PAPPA: variants seen among roughly 807,000 people sequenced by gnomAD.
The protein encoded by PAPPA is pappalysin-1.
A neutral mutation model predicts 164.0 loss-of-function variants in PAPPA; 60 were observed. The ratio of observed to expected loss-of-function variants is 0.37; its 90% CI spans 0.30 to 0.45. The LOEUF (loss-of-function observed/expected upper bound fraction) is 0.45. PAPPA is among the 20% of genes least tolerant of loss of function. The probability of loss-of-function intolerance (pLI) is 1.00; values close to 1 mark genes in which losing one functional copy is unlikely to be tolerated. For missense variants in PAPPA, 1,782 were observed against 2,087.3 expected, an observed-to-expected ratio of 0.85 and a Z score of 2.85; for synonymous variants, 875 against 814.1, an observed-to-expected ratio of 1.07 and a Z score of -1.27.
intron 19 of PAPPA, among the ~76,000 whole-genome samples, chr9:116,375,004 A>T (rs919862554): frequency 6.6e-6 from 1 of 152,236 alleles, no homozygotes; most frequent in Admixed American, 6.5e-5. Flanking sequence ...CCCTGGAAGG[A>T]TACAGAAGTG....
At position 116,398,549 on chromosome 9, in the gene PAPPA, T is replaced by C. The variant is rs765494918; in HGVS notation, c.*1933T>C. On this transcript the variant is annotated 3_prime_UTR_variant, in exon 22 of 22. Coordinates refer to ENST00000328252, the MANE Select transcript of PAPPA (RefSeq NM_002581.5). Reference sequence around the variant, plus strand: ...CATATTATATCACTCCCAATAGCACTGACCTGGTGATCAAAAACACTTGAG... The same window carrying C: ...CATATTATATCACTCCCAATAGCACCGACCTGGTGATCAAAAACACTTGAG... 2 of 1,282,824 alleles carry C rather than the reference T, an allele frequency of 1.6e-6. No individual in the cohort carries two copies. The highest frequency in any genetic ancestry group is 2.0e-6 in the Non-Finnish European group (2 of 983,954). 79.5% of individuals were successfully genotyped at this position (1,282,824 alleles called of 1,614,324 possible).
chr9:116,338,185 T>C (rs1846085949), intron 13 of PAPPA, among the ~76,000 whole-genome samples: 1 of 151,844 alleles, frequency 6.6e-6, no homozygotes, highest in African/African-American at 2.4e-5. Flanking sequence ...AAAAGTAACT[T>C]CCTTCCCTCC....
intron 13 of PAPPA, among the ~76,000 whole-genome samples, chr9:116,338,255 A>G (rs986025194): frequency 6.6e-6 from 1 of 151,774 alleles, no homozygotes; most frequent in African/African-American, 2.4e-5. Flanking sequence ...TCTTTTTCAC[A>G]TTCGCTTTCT....
At position 116,154,155 on chromosome 9, in the gene PAPPA, C is replaced by CGGTGCGGGGGCGAGGGGGGGGG; in HGVS notation, c.-16_-15insTGCGGGGGCGAGGGGGGGGGGG. On this transcript the variant is annotated 5_prime_UTR_variant, in exon 1 of 22. Coordinates refer to ENST00000328252, the MANE Select transcript of PAPPA (RefSeq NM_002581.5). This position sits in a 1 kb window ranked among gnomAD's most constrained non-coding sequence, Gnocchi z 5.2. ...TGGCGGTGCAGGGGCGAAGGGGGGGCGGGGGGAACCGTCGGACATGCGGCT... is the reference window on the plus strand; with the variant it reads ...TGGCGGTGCAGGGGCGAAGGGGGGGCGGTGCGGGGGCGAGGGGGGGGGGGGGGGAACCGTCGGACATGCGGCT... The CGGTGCGGGGGCGAGGGGGGGGG allele has an allele frequency of 2.2e-6, 1 of 464,984 alleles. No homozygotes were observed. Among genetic ancestry groups the CGGTGCGGGGGCGAGGGGGGGGG allele is most frequent in the South Asian group, 2.9e-5 (1 of 34,000 alleles). The allele number at this position is 464,984 out of a possible 1,614,324, so 28.8% of individuals were successfully genotyped here.
At chr9:116,192,877 G>A (rs1844060086) in intron 2 of PAPPA, among the ~76,000 whole-genome samples, 1 of 152,090 alleles carries the variant, frequency 6.6e-6, no homozygotes, top group East Asian at 1.9e-4. Flanking sequence ...GGAAATCCAG[G>A]GGCATTTGAC....
At chr9:116,158,526 G>A (rs1204109940) in intron 1 of PAPPA, among the ~76,000 whole-genome samples, 2 of 152,226 alleles carry the variant, frequency 1.3e-5, no homozygotes, top group African/African-American at 4.8e-5. Flanking sequence ...CATGTACAGA[G>A]TGATGATGGC....
chr9:116,305,224 A>G (rs1845631118), intron 10 of PAPPA, among the ~76,000 whole-genome samples: 1 of 151,236 alleles, frequency 6.6e-6, no homozygotes, highest in South Asian at 2.1e-4. Flanking sequence ...GTGTAAACGT[A>G]CCTTCCTTCC....
At chr9:116,330,626 GGTGT>G (rs5900203) in intron 10 of PAPPA, among the ~76,000 whole-genome samples, 1 of 150,944 alleles carries the variant, frequency 6.6e-6, no homozygotes, top group Non-Finnish European at 1.5e-5. Flanking sequence ...TGTGTGTAGG[GGTGT>G]GTGTGTGTGT....
chr9:116,382,644 TG>T (rs1432367128), intron 21 of PAPPA, 151 bp downstream of exon 21: 7 of 587,360 alleles, frequency 1.2e-5, no homozygotes, highest in Non-Finnish European at 1.8e-5. Flanking sequence ...TTTATTCTTT[TG>T]GTCAGTAGTT....
chr9:116,301,869 A>G (rs1285187625), intron 9 of PAPPA, among the ~76,000 whole-genome samples: 1 of 152,242 alleles, frequency 6.6e-6, no homozygotes, highest in Non-Finnish European at 1.5e-5. Context: ...CAGTGTGGCA[A>G]GGAGACTTAT....
At chr9:116,344,746 A>G (rs1471977756) in intron 14 of PAPPA, 35 bp downstream of exon 14, 2 of 1,587,120 alleles carry the variant, frequency 1.3e-6, no homozygotes, top group East Asian at 2.3e-5. Flanking sequence ...GCCTCTCTGC[A>G]GCCCAGGGAA....
intron 21 of PAPPA, among the ~76,000 whole-genome samples, chr9:116,391,999 C>T (rs992477819): frequency 3.3e-5 from 5 of 152,140 alleles, no homozygotes; most frequent in Non-Finnish European, 5.9e-5. Flanking sequence ...CCTGCTCTGC[C>T]GTCCTCCTGG....
At chr9:116,200,651 C>T (rs565317138) in intron 2 of PAPPA, among the ~76,000 whole-genome samples, 1 of 152,312 alleles carries the variant, frequency 6.6e-6, no homozygotes, top group South Asian at 2.1e-4. Context: ...ATTTATTCGT[C>T]TCACTTTCTT....
intron 1 of PAPPA, among the ~76,000 whole-genome samples, chr9:116,178,605 G>A (rs1843864606): frequency 6.6e-6 from 1 of 152,156 alleles, no homozygotes; most frequent in South Asian, 2.1e-4. Flanking sequence ...CAGCTAACAG[G>A]GAGCAGAGCT....
chr9:116,231,679 ATGGATG>A (rs1844595129), intron 6 of PAPPA, among the ~76,000 whole-genome samples: 1 of 144,188 alleles, frequency 6.9e-6, no homozygotes, highest in African/African-American at 2.5e-5. Flanking sequence ...GGATGGATGG[ATGGATG>A]GATGGATGGA....
At position 116,314,060 on chromosome 9, in the gene PAPPA, C is replaced by CTTT. The variant is rs57871796; in HGVS notation, c.3147+11138_3147+11140dup. On this transcript the variant is annotated intron_variant, in intron 10 of 21. Coordinates refer to ENST00000328252, the MANE Select transcript of PAPPA (RefSeq NM_002581.5). ...ATTCAGTTCTGTCATTGCATCGAAT[C>CTTT]TTTTTTTTTTTTTTTTTTTTTTTTT... 4.4e-3 allele frequency among the ~76,000 whole-genome samples: 304 copies of CTTT among 69,738 alleles called. 58 individuals carry two copies. Among genetic ancestry groups the CTTT allele is most frequent in the African/African-American group, 0.01 (205 of 20,176 alleles). The allele number at this position is 69,738 out of a possible 152,430, so 45.8% of individuals were successfully genotyped here.
intron 2 of PAPPA, among the ~76,000 whole-genome samples, chr9:116,205,564 G>A (rs1196691649): frequency 6.6e-6 from 1 of 152,132 alleles, no homozygotes; most frequent in Non-Finnish European, 1.5e-5. Context: ...GCCTGGGTGA[G>A]CTTGGAAATG....
intron 7 of PAPPA, among the ~76,000 whole-genome samples, chr9:116,246,077 G>A (rs1844793506): frequency 6.6e-6 from 1 of 152,126 alleles, no homozygotes; most frequent in South Asian, 2.1e-4. Flanking sequence ...ATTTTAAAAG[G>A]CTTTGAGAAG....
intron 11 of PAPPA, among the ~76,000 whole-genome samples, chr9:116,331,938 G>T (rs557319340): frequency 7.2e-5 from 11 of 152,212 alleles, no homozygotes; most frequent in South Asian, 4.2e-4. Flanking sequence ...TGTGTGTGTG[G>T]GTTTTAGTGT....
Sources: gnomAD v4.1 joint callset for allele counts (sites outside exome capture counted in the v4.1 genomes callset) on GRCh38, gnomAD v4.1.1 for gene constraint, Gnocchi (gnomAD v3.1) non-coding constraint, MANE v1.5 for transcripts, NCBI Gene and HGNC (gene_info 2026-07-23, HGNC 2026-07-21) for gene names.